ST18: variants seen among roughly 807,000 people sequenced by gnomAD.
The protein encoded by ST18 is ST18 C2H2C-type zinc finger transcription factor, also known as suppression of tumorigenicity 18 protein.
Under a neutral mutation model 110.0 loss-of-function variants are expected in ST18, and 50 were observed. The observed-to-expected ratio is 0.45, with a 90% CI of 0.36 to 0.58. The LOEUF (loss-of-function observed/expected upper bound fraction) is 0.58, where lower values mean the gene tolerates loss of function less well. ST18 is among the 20% of genes least tolerant of loss of function. ST18 has a pLI of 0.00. For synonymous variants in ST18, 461 were observed against 452.4 expected, an observed-to-expected ratio of 1.02 and a Z score of -0.24; for missense variants, 1,306 against 1,280.1, an observed-to-expected ratio of 1.02 and a Z score of -0.31.
chr8:52,317,289 A>G (rs2096047914), intron 2 of ST18, among the ~76,000 whole-genome samples: 1 of 152,228 alleles, frequency 6.6e-6, no homozygotes, highest in Admixed American at 6.5e-5. Context: ...ATATGTCCTT[A>G]CAAGAGACAG....
intron 14 of ST18, among the ~76,000 whole-genome samples, chr8:52,159,475 G>T (rs182754056): frequency 1.3e-5 from 2 of 152,264 alleles, no homozygotes; most frequent in East Asian, 1.9e-4. Flanking sequence ...AGAGTTTAAG[G>T]CATGCCCATT....
At chr8:52,233,332 A>T (rs1589011718) in intron 2 of ST18, among the ~76,000 whole-genome samples, 1 of 152,128 alleles carries the variant, frequency 6.6e-6, no homozygotes, top group Admixed American at 6.5e-5. Flanking sequence ...ATAAAATAAA[A>T]ATCTCCCTGA....
chr8:52,332,530 C>CTTTT (rs140331895), intron 2 of ST18, among the ~76,000 whole-genome samples: 2 of 49,768 alleles, frequency 4.0e-5, no homozygotes, highest in Non-Finnish European at 7.8e-5. Context: ...TCTAATGTAG[C>CTTTT]TTTTTTTTTT....
chr8:52,181,381 T>C (rs1306146090), intron 8 of ST18, among the ~76,000 whole-genome samples: 2 of 152,140 alleles, frequency 1.3e-5, no homozygotes, highest in Non-Finnish European at 2.9e-5. Flanking sequence ...TTCGTGAAAA[T>C]GATTCGGTTA....
intron 2 of ST18, among the ~76,000 whole-genome samples, chr8:52,256,522 T>C (rs1000723914): frequency 2.0e-5 from 3 of 152,090 alleles, no homozygotes; most frequent in Non-Finnish European, 4.4e-5. Context: ...GTCAGTGCGC[T>C]CCGTCATCTA....
At chr8:52,153,461 T>C (rs1430529558) in intron 15 of ST18, among the ~76,000 whole-genome samples, 1 of 152,238 alleles carries the variant, frequency 6.6e-6, no homozygotes, top group Admixed American at 6.5e-5. Context: ...AAAGCTATGT[T>C]AAATATGTTT....
At chr8:52,128,714 C>G (rs1410170306) in intron 22 of ST18, among the ~76,000 whole-genome samples, 1 of 152,062 alleles carries the variant, frequency 6.6e-6, no homozygotes, top group Non-Finnish European at 1.5e-5. Flanking sequence ...ATGGTGAGGA[C>G]CCATCATTAA....
intron 17 of ST18, among the ~76,000 whole-genome samples, chr8:52,140,180 C>A (rs1303194584): frequency 6.6e-6 from 1 of 152,172 alleles, no homozygotes; most frequent in South Asian, 2.1e-4. Context: ...GACAAATATA[C>A]CAACTCAGAC....
chr8:52,176,480 C>T (rs957821499), intron 9 of ST18, among the ~76,000 whole-genome samples: 4 of 152,216 alleles, frequency 2.6e-5, no homozygotes, highest in African/African-American at 9.6e-5. Flanking sequence ...CTTGGGAGGG[C>T]ATAACCAGAG....
chr8:52,321,162 A>C (rs1010362319), intron 2 of ST18, among the ~76,000 whole-genome samples: 12 of 152,192 alleles, frequency 7.9e-5, no homozygotes, highest in African/African-American at 1.4e-4. Context: ...CAGAAAATAT[A>C]AACACCTGGA....
intron 22 of ST18, among the ~76,000 whole-genome samples, chr8:52,128,248 C>T (rs1376164972): frequency 6.6e-6 from 1 of 152,204 alleles, no homozygotes; most frequent in Non-Finnish European, 1.5e-5. Context: ...GGATTACAGG[C>T]GTGATCCACG....
chr8:52,265,030 G>T (rs1000459785), intron 2 of ST18, among the ~76,000 whole-genome samples: 3 of 152,228 alleles, frequency 2.0e-5, no homozygotes, highest in African/African-American at 7.2e-5. Context: ...AGTACAAGAT[G>T]ATGGCTGTGC....
At chr8:52,264,512 C>A (rs1240914683) in intron 2 of ST18, among the ~76,000 whole-genome samples, 2 of 152,130 alleles carry the variant, frequency 1.3e-5, no homozygotes, top group Non-Finnish European at 2.9e-5. Context: ...AAAGAGAAAT[C>A]CAGACACAAG....
intron 2 of ST18, among the ~76,000 whole-genome samples, chr8:52,285,029 T>G (rs2095445481): frequency 6.6e-6 from 1 of 152,164 alleles, no homozygotes; most frequent in African/African-American, 2.4e-5. Context: ...TACGAGCTGT[T>G]CAAAATGGAG....
intron 3 of ST18, among the ~76,000 whole-genome samples, chr8:52,226,727 A>G (rs1476424459): frequency 1.3e-5 from 2 of 152,228 alleles, no homozygotes; most frequent in African/African-American, 4.8e-5. Flanking sequence ...CAGTAAATCT[A>G]TACTAAACAA....
At chr8:52,167,023 T>C (rs1403504773) in intron 10 of ST18, 37 bp from the exon 11 acceptor site, 1 of 1,576,736 alleles carries the variant, frequency 6.3e-7, no homozygotes, top group East Asian at 2.3e-5. Context: ...CATTTGGTTA[T>C]TCTTGCTTTT....
intron 2 of ST18, among the ~76,000 whole-genome samples, chr8:52,369,577 G>GT (rs1190825888): frequency 4.6e-5 from 7 of 152,224 alleles, no homozygotes; most frequent in South Asian, 2.1e-4. Flanking sequence ...TTAAGCCACT[G>GT]TTTTTTTATA....
intron 8 of ST18, among the ~76,000 whole-genome samples, chr8:52,184,313 C>T (rs1014008337): frequency 4.6e-5 from 7 of 152,300 alleles, no homozygotes; most frequent in South Asian, 4.1e-4. Flanking sequence ...AAACATCCAG[C>T]GTCCCCCAGG....
chr8:52,122,484 T>C (rs1475880528), intron 23 of ST18, among the ~76,000 whole-genome samples: 2 of 151,930 alleles, frequency 1.3e-5, no homozygotes, highest in Non-Finnish European at 1.5e-5. Context: ...TATTTATTTA[T>C]TTATTTATTT....
Sources: gnomAD v4.1 joint callset for allele counts (sites outside exome capture counted in the v4.1 genomes callset) on GRCh38, gnomAD v4.1.1 for gene constraint, MANE v1.5 for transcripts, NCBI Gene and HGNC (gene_info 2026-07-23, HGNC 2026-07-21) for gene names.